The following GOLIM4 variants were observed in gnomAD, a reference collection of about 807,000 sequenced individuals.
GOLIM4 encodes the protein golgi integral membrane protein 4.
In GOLIM4, 71 loss-of-function variants were observed where a neutral mutation model predicts 107.4. The observed-to-expected ratio is 0.66, with a 90% CI of 0.55 to 0.81. GOLIM4 has a LOEUF of 0.81. Ranked by LOEUF, GOLIM4 falls within the 30% of genes least tolerant of loss-of-function variation. The pLI, the probability that GOLIM4 is intolerant of heterozygous loss-of-function variation, is 0.00. For missense variants in GOLIM4, 830 were observed against 826.1 expected, an observed-to-expected ratio of 1.00 and a Z score of -0.06; for synonymous variants, 327 against 294.8, an observed-to-expected ratio of 1.11 and a Z score of -1.12.
chr3:168,078,898 C>T lies in GOLIM4; in HGVS notation c.187+16201G>A, dbSNP rs564572346. ...CTGTGCAGCTTATCCCCTGGCTTAA[C>T]AATGCTACAAATGCTTGTGTTTTGA... On this transcript the variant is annotated intron_variant, in intron 1 of 15. Coordinates refer to ENST00000470487, the MANE Select transcript of GOLIM4 (RefSeq NM_014498.5). 3.9e-5 allele frequency among the ~76,000 whole-genome samples: 6 copies of T among 152,258 alleles called. No individual in the cohort carries two copies. In the South Asian group the frequency reaches 1.2e-3, roughly 32 times the overall value.
Position 168,027,758 on chromosome 3 carries a change from G to T in GOLIM4, c.1593C>A (p.Pro531=), listed in dbSNP as rs754809155. The part of the protein sequence containing the change: ...GNRHEPREQG[P]READPESEAD... The stretch of plus-strand genomic sequence containing the variant: ...CCTCAGATTCTGGGTCGGCTTCTCG[G>T]GGTCCTTGTTCACGAGGCTCATGTC... The change falls in exon 12 of 16, where the codon CCC becomes CCA. Residue 531 remains proline, a synonymous_variant. Coordinates refer to ENST00000470487, the MANE Select transcript of GOLIM4 (RefSeq NM_014498.5). The T allele has an allele frequency of 3.7e-6, 6 of 1,612,088 alleles. No homozygotes were observed. Among genetic ancestry groups the T allele is most frequent in the Non-Finnish European group, 5.1e-6 (6 of 1,178,244 alleles).
chr3:168,032,871 T>C lies in GOLIM4; in HGVS notation c.844-19A>G. 6.4e-7 allele frequency: 1 copy of C among 1,556,318 alleles called. No homozygotes were observed. The highest frequency in any genetic ancestry group is 8.8e-7 in the Non-Finnish European group (1 of 1,134,058). ...GAGACACCTAGGCCAAGCACATCAC[T>C]GGGAATGACACTCTTCCAATTTCAA... On this transcript the variant is annotated intron_variant, in intron 8 of 15. Coordinates refer to ENST00000470487, the MANE Select transcript of GOLIM4 (RefSeq NM_014498.5).
At chr3:168,054,605 A>AAT in intron 1 of GOLIM4, among the ~76,000 whole-genome samples, 1 of 151,646 alleles carries the variant, frequency 6.6e-6, no homozygotes, top group Admixed American at 6.6e-5. Context: ...GTTTTTACTT[A>AAT]TTAATTAAAC....
intron 1 of GOLIM4, among the ~76,000 whole-genome samples, chr3:168,080,417 T>C (rs1721295521): frequency 6.6e-6 from 1 of 152,236 alleles, no homozygotes; most frequent in Admixed American, 6.5e-5. Context: ...TTAAAATTGA[T>C]ATTTAAATTC....
At chr3:168,052,400 T>A (rs965295089) in intron 1 of GOLIM4, among the ~76,000 whole-genome samples, 5 of 146,196 alleles carry the variant, frequency 3.4e-5, no homozygotes, top group African/African-American at 8.3e-5. Flanking sequence ...ACACACACAC[T>A]CTCTCTCACA....
chr3:168,059,192 C>A (rs1048353741), intron 1 of GOLIM4, among the ~76,000 whole-genome samples: 1 of 152,136 alleles, frequency 6.6e-6, no homozygotes, highest in African/African-American at 2.4e-5. Context: ...CTTGCCTTTA[C>A]GGACGCTGCA....
At chr3:168,026,310 A>C (rs3936224) in intron 12 of GOLIM4, among the ~76,000 whole-genome samples, 41,459 of 152,154 alleles carry the variant, frequency 0.27, 7,321 homozygotes, top group Non-Finnish European at 0.39. Flanking sequence ...AATTACAGGA[A>C]AAATGTAACA....
At chr3:168,040,264 C>T (rs145426884) in intron 7 of GOLIM4, among the ~76,000 whole-genome samples, 178 of 152,282 alleles carry the variant, frequency 1.2e-3, no homozygotes, top group Non-Finnish European at 2.0e-3. Context: ...TAGGTTTGAA[C>T]AAATGGAGCT....
chr3:168,013,312 A>G (rs1321320117), intron 14 of GOLIM4, among the ~76,000 whole-genome samples: 1 of 152,110 alleles, frequency 6.6e-6, no homozygotes, highest in Non-Finnish European at 1.5e-5. Context: ...CATAATGGTC[A>G]AGGGATCAAT....
chr3:168,094,616 G>C (rs1281795394), intron 1 of GOLIM4, among the ~76,000 whole-genome samples: 1 of 152,162 alleles, frequency 6.6e-6, no homozygotes, highest in East Asian at 1.9e-4. Flanking sequence ...CTGGGTCATG[G>C]CTTAATTTTC....
At chr3:168,024,656 C>T in intron 13 of GOLIM4, 62 bp from the exon 14 acceptor site, 1 of 1,316,718 alleles carries the variant, frequency 7.6e-7, no homozygotes, top group South Asian at 1.2e-5. Context: ...TTACACAGTA[C>T]TCTGGGACAA....
At position 168,095,776 on chromosome 3, in the gene GOLIM4, G is replaced by A. The variant is rs768424967; in HGVS notation, c.-491C>T. The A allele has an allele frequency of 5.1e-5, 8 of 155,880 alleles. No homozygotes were observed. Among genetic ancestry groups the A allele is most frequent in the Non-Finnish European group, 7.1e-5 (5 of 70,862 alleles). 9.7% of individuals were successfully genotyped at this position (155,880 alleles called of 1,614,324 possible). A position where few individuals can be genotyped will look rare whatever the true frequency, so the allele number is the denominator to read the frequency against. On this transcript the variant is annotated 5_prime_UTR_variant, in exon 1 of 16. The change creates a new upstream start codon in the 5' untranslated region. Coordinates refer to ENST00000470487, the MANE Select transcript of GOLIM4 (RefSeq NM_014498.5). ...GACCAGGACTCCGGGCCGCGCCCCC[G>A]TGCGGCCTGCCCAATGGGTGGAAGG...
chr3:168,058,218 C>T (rs376526762), intron 1 of GOLIM4, among the ~76,000 whole-genome samples: 20 of 152,264 alleles, frequency 1.3e-4, no homozygotes, highest in African/African-American at 4.6e-4. Context: ...CTAATGCATA[C>T]GGTTTGTAAA....
chr3:168,041,526 C>A, intron 5 of GOLIM4, 52 bp from the exon 6 acceptor site: 1 of 866,724 alleles, frequency 1.2e-6, no homozygotes, highest in South Asian at 1.5e-5. Context: ...TTTCAGGATT[C>A]TGTTTCTATT....
At chr3:168,074,379 A>G (rs1720969755) in intron 1 of GOLIM4, among the ~76,000 whole-genome samples, 1 of 152,212 alleles carries the variant, frequency 6.6e-6, no homozygotes, top group African/African-American at 2.4e-5. Context: ...AAGCCTTTCT[A>G]AATAGTTGAA....
chr3:168,087,661 C>T (rs944010041), intron 1 of GOLIM4, among the ~76,000 whole-genome samples: 3 of 152,142 alleles, frequency 2.0e-5, no homozygotes, highest in Non-Finnish European at 2.9e-5. Context: ...ACCATTAATA[C>T]TGTCATGAGA....
rs149784000 is a variant in GOLIM4 at position 168,084,205 on chromosome 3, C to T, written c.187+10894G>A. 5.1e-3 allele frequency among the ~76,000 whole-genome samples: 778 copies of T among 152,280 alleles called. 5 individuals are homozygous for T. The highest frequency in any genetic ancestry group is 6.8e-3 in the Middle Eastern group (2 of 294). ...TCTCTCCTGCTCCACCAGAGTAAGACATGCTTGCTTCCCCTTTGCCCTCTG... is the reference window on the plus strand; with the variant it reads ...TCTCTCCTGCTCCACCAGAGTAAGATATGCTTGCTTCCCCTTTGCCCTCTG... On this transcript the variant is annotated intron_variant, in intron 1 of 15. Coordinates refer to ENST00000470487, the MANE Select transcript of GOLIM4 (RefSeq NM_014498.5).
Position 168,095,482 on chromosome 3 carries a change from C to T in GOLIM4, c.-197G>A, listed in dbSNP as rs1722144797. 1.9e-6 allele frequency: 1 copy of T among 532,300 alleles called. No homozygotes were observed. The highest frequency in any genetic ancestry group is 3.5e-5 in the East Asian group (1 of 28,980). 33.0% of individuals were successfully genotyped at this position (532,300 alleles called of 1,614,324 possible). A position where few individuals can be genotyped will look rare whatever the true frequency, so the allele number is the denominator to read the frequency against. ...GCGCGGGGCGCGCAGCCATCGACGCCGCCCGGGCAGCTGCAGCCAAACTTC... is the reference window on the plus strand; with the variant it reads ...GCGCGGGGCGCGCAGCCATCGACGCTGCCCGGGCAGCTGCAGCCAAACTTC... On this transcript the variant is annotated 5_prime_UTR_variant, in exon 1 of 16. Coordinates refer to ENST00000470487, the MANE Select transcript of GOLIM4 (RefSeq NM_014498.5).
intron 1 of GOLIM4, among the ~76,000 whole-genome samples, chr3:168,062,174 G>GTT (rs1720309911): frequency 6.6e-6 from 1 of 152,108 alleles, no homozygotes; most frequent in South Asian, 2.1e-4. Flanking sequence ...TCTGACATCT[G>GTT]TGTCTGTGTC....
Sources: gnomAD v4.1 joint callset for allele counts (sites outside exome capture counted in the v4.1 genomes callset) on GRCh38, gnomAD v4.1.1 for gene constraint, MANE v1.5 for transcripts, NCBI Gene and HGNC (gene_info 2026-07-23, HGNC 2026-07-21) for gene names.